DNAAF11: variants seen among roughly 807,000 people sequenced by gnomAD.
DNAAF11 encodes dynein axonemal assembly factor 11.
A neutral mutation model predicts 60.8 loss-of-function variants in DNAAF11; 45 were observed. The ratio of observed to expected loss-of-function variants is 0.74; its 90% CI spans 0.58 to 0.95. The LOEUF (loss-of-function observed/expected upper bound fraction) is 0.95, where lower values mean the gene tolerates loss of function less well. DNAAF11 is among the 40% of genes least tolerant of loss of function. The pLI is 0.00. For missense variants in DNAAF11, 546 were observed against 546.2 expected, an observed-to-expected ratio of 1.00 and a Z score of 0.00; for synonymous variants, 191 against 183.5, an observed-to-expected ratio of 1.04 and a Z score of -0.33.
In DNAAF11 at chr8:132,571,617, G is replaced by A. The variant is rs1814203068; in HGVS notation, c.*689C>T. Among the ~76,000 whole-genome samples the A allele has an allele frequency of 6.6e-6, 1 of 151,860 alleles. No individual in the cohort carries two copies. The highest frequency in any genetic ancestry group is 1.5e-5 in the Non-Finnish European group (1 of 67,948). On this transcript the variant is annotated 3_prime_UTR_variant, in exon 12 of 12. Transcript: ENST00000620350. The stretch of plus-strand genomic sequence containing the variant: ...AGAGAGGAGAAAGGGAAGAAGGAGA[G>A]AGAGAAGAGGCTCTAAATGTATGGC...
intron 3 of DNAAF11, among the ~76,000 whole-genome samples, chr8:132,643,063 C>T (rs967080927): frequency 3.3e-5 from 5 of 152,124 alleles, no homozygotes; most frequent in Non-Finnish European, 4.4e-5. Flanking sequence ...AATAGGGCTC[C>T]GCTCCTATGA....
chr8:132,673,463 T>C (rs1241200045), intron 1 of DNAAF11, among the ~76,000 whole-genome samples: 1 of 152,210 alleles, frequency 6.6e-6, no homozygotes, highest in African/African-American at 2.4e-5. Flanking sequence ...GGCCAAGCTA[T>C]GCCCATGAAC....
intron 10 of DNAAF11, among the ~76,000 whole-genome samples, chr8:132,588,408 T>A (rs979937842): frequency 1.3e-5 from 2 of 152,216 alleles, no homozygotes; most frequent in Non-Finnish European, 2.9e-5. Flanking sequence ...ATATTTCACT[T>A]TCTCCCACAG....
chr8:132,659,478 G>T (rs1286672012), intron 2 of DNAAF11, among the ~76,000 whole-genome samples: 1 of 152,160 alleles, frequency 6.6e-6, no homozygotes, highest in East Asian at 1.9e-4. Flanking sequence ...ATTAGTAATT[G>T]TGATGGACCC....
the DNAAF11 span, among the ~76,000 whole-genome samples, chr8:132,702,539 A>G: frequency 6.7e-6 from 1 of 149,510 alleles, no homozygotes; most frequent in Non-Finnish European, 1.5e-5. Flanking sequence ...CCCAGAGGTC[A>G]TAAATACTAC....
chr8:132,678,948 A>C (rs889742842), upstream of DNAAF11, among the ~76,000 whole-genome samples: 1 of 152,164 alleles, frequency 6.6e-6, no homozygotes, highest in Non-Finnish European at 1.5e-5. Flanking sequence ...ATAAGTGAAT[A>C]AACAATTGGG....
At chr8:132,693,299 T>C in the DNAAF11 span, among the ~76,000 whole-genome samples, 1 of 152,244 alleles carries the variant, frequency 6.6e-6, no homozygotes, top group Non-Finnish European at 1.5e-5. Flanking sequence ...TTCACTACTA[T>C]TGTTTCATTC....
At chr8:132,671,368 G>T (rs974459112) in intron 1 of DNAAF11, among the ~76,000 whole-genome samples, 1 of 152,100 alleles carries the variant, frequency 6.6e-6, no homozygotes, top group Non-Finnish European at 1.5e-5. Flanking sequence ...CAAAAATATT[G>T]TAGACATTTT....
At chr8:132,581,423 G>A (rs1442978712) in intron 11 of DNAAF11, among the ~76,000 whole-genome samples, 3 of 152,096 alleles carry the variant, frequency 2.0e-5, no homozygotes, top group African/African-American at 7.2e-5. Flanking sequence ...GCCAAGGCAG[G>A]CGGATCACAG....
rs1402680955 is a variant in DNAAF11, at chr8:132,571,784, T to C, written c.*522A>G. Among the ~76,000 whole-genome samples, 2 of 152,176 alleles carry C rather than the reference T, an allele frequency of 1.3e-5. No individual in the cohort carries two copies. The highest frequency in any genetic ancestry group is 4.8e-5 in the African/African-American group (2 of 41,442). On this transcript the variant is annotated 3_prime_UTR_variant, in exon 12 of 12. Coordinates refer to ENST00000620350, the MANE Select transcript of DNAAF11 (RefSeq NM_012472.6). ...GAAGGTCTTTACAAAGTGATTGAGC[T>C]GGAATCCAAATATAGAGTGTCTGGT...
chr8:132,599,471 C>A (rs1428749320), intron 10 of DNAAF11, among the ~76,000 whole-genome samples: 1 of 152,020 alleles, frequency 6.6e-6, no homozygotes, highest in Non-Finnish European at 1.5e-5. Context: ...GACACAACAA[C>A]AAAAAAGAGT....
At chr8:132,691,127 C>T in the DNAAF11 span, among the ~76,000 whole-genome samples, 2 of 152,102 alleles carry the variant, frequency 1.3e-5, no homozygotes, top group Non-Finnish European at 2.9e-5. Flanking sequence ...ATTTGAACTT[C>T]TTCTCCATAG....
At chr8:132,688,943 A>G in the DNAAF11 span, among the ~76,000 whole-genome samples, 18 of 152,234 alleles carry the variant, frequency 1.2e-4, no homozygotes, top group Non-Finnish European at 2.9e-5. Context: ...AAGGAAACTA[A>G]GAGTGTTTTG....
In DNAAF11 at chr8:132,635,413, A is replaced by G. The variant is rs549606451; in HGVS notation, c.430-2450T>C. 3.9e-5 allele frequency among the ~76,000 whole-genome samples: 6 copies of G among 152,304 alleles called. No individual in the cohort carries two copies. The East Asian group carries it at 1.2e-3, about 29-fold the overall frequency. On this transcript the variant is annotated intron_variant, in intron 4 of 11. Coordinates refer to ENST00000620350, the MANE Select transcript of DNAAF11 (RefSeq NM_012472.6). ...TATGATCCTACTATACATGAGTAAA[A>G]TGAGGCACACAATTCACAGGCAGTG...
At chr8:132,615,912 C>T (rs750634770) in intron 7 of DNAAF11, among the ~76,000 whole-genome samples, 9 of 152,046 alleles carry the variant, frequency 5.9e-5, no homozygotes, top group Admixed American at 3.3e-4. Context: ...GTGAAGTTAG[C>T]GATAGATTTG....
chr8:132,606,077 T>G (rs1818101971), intron 10 of DNAAF11, among the ~76,000 whole-genome samples: 1 of 148,648 alleles, frequency 6.7e-6, no homozygotes. Context: ...TCTGAAAAAT[T>G]CCTATTGCCT....
At chr8:132,657,278 G>A (rs1449733103) in intron 2 of DNAAF11, among the ~76,000 whole-genome samples, 1 of 152,216 alleles carries the variant, frequency 6.6e-6, no homozygotes, top group Non-Finnish European at 1.5e-5. Flanking sequence ...TGATACAGGA[G>A]AGGACATGCA....
chr8:132,661,701 T>A (rs775318301), intron 1 of DNAAF11, 74 bp from the exon 2 acceptor site: 1 of 1,492,274 alleles, frequency 6.7e-7, no homozygotes, highest in Non-Finnish European at 9.3e-7. Context: ...TGTTAACGCA[T>A]TTGTGTTTTT....
chr8:132,618,352 A>C (rs1255342171), intron 7 of DNAAF11, among the ~76,000 whole-genome samples: 13 of 115,692 alleles, frequency 1.1e-4, no homozygotes, highest in African/African-American at 4.5e-4. Context: ...CCCTAGAAGA[A>C]AACCTAGGCA....
Sources: gnomAD v4.1 joint callset for allele counts (sites outside exome capture counted in the v4.1 genomes callset) on GRCh38, gnomAD v4.1.1 for gene constraint, MANE v1.5 for transcripts, NCBI Gene and HGNC (gene_info 2026-07-23, HGNC 2026-07-21) for gene names.